CDK18: variants seen among roughly 807,000 people sequenced by gnomAD.
The protein encoded by CDK18 is cyclin-dependent kinase 18.
In CDK18, 52 loss-of-function variants were observed where a neutral mutation model predicts 62.0. That is an observed-to-expected ratio of 0.84 (90% CI 0.67 to 1.06). The LOEUF is 1.06. Ranked by LOEUF, CDK18 falls within the 50% of genes least tolerant of loss-of-function variation. The pLI is 0.00. For missense variants in CDK18, 604 were observed against 619.9 expected, an observed-to-expected ratio of 0.97 and a Z score of 0.27; for synonymous variants, 237 against 247.0, an observed-to-expected ratio of 0.96 and a Z score of 0.38.
intron 1 of CDK18, among the ~76,000 whole-genome samples, chr1:205,518,400 G>A (rs1019793679): frequency 6.6e-6 from 1 of 152,178 alleles, no homozygotes; most frequent in Admixed American, 6.5e-5. Context: ...TGGAGCCAGG[G>A]GTGAGAGGGG....
At position 205,525,074 on chromosome 1, in the gene CDK18, G is replaced by C; in HGVS notation, c.400-65G>C. On this transcript the variant is annotated intron_variant, in intron 4 of 15. Transcript: ENST00000429964. ...CCTCCCAGAGGCTGGAGTTGGGGGA[G>C]GCGTCATGTCTGTGGAGCTGCTAAG... The C allele has an allele frequency of 2.8e-6, 3 of 1,064,982 alleles. No homozygotes were observed. In the South Asian group the frequency reaches 4.3e-5, roughly 15 times the overall value. The allele number at this position is 1,064,982 out of a possible 1,614,324, so 66.0% of individuals were successfully genotyped here.
At chr1:205,524,054 C>T (rs140257278) in intron 3 of CDK18, among the ~76,000 whole-genome samples, 178 bp from the exon 4 acceptor site, 6 of 152,308 alleles carry the variant, frequency 3.9e-5, no homozygotes, top group Non-Finnish European at 5.9e-5. Flanking sequence ...CGGGTGTTCA[C>T]GTGTATGTCT....
At chr1:205,520,693 C>G (rs1367599168) in intron 1 of CDK18, among the ~76,000 whole-genome samples, 1 of 113,444 alleles carries the variant, frequency 8.8e-6, no homozygotes, top group Non-Finnish European at 1.8e-5. Flanking sequence ...GAGCACGACT[C>G]TATCTCAAAA....
rs567005479 is a variant in CDK18, at chr1:205,532,076, T to C, written c.*698T>C. ...GCTGGCATGCTTGGATGCCCAGCTG[T>C]GTCCAGAGGTGGCCTGGGACCGCCA... On this transcript the variant is annotated 3_prime_UTR_variant, in exon 16 of 16. Coordinates refer to ENST00000429964, the MANE Select transcript of CDK18 (RefSeq NM_212502.3). The C allele has an allele frequency of 6.5e-6, 1 of 153,030 alleles. No individual in the cohort carries two copies. Among genetic ancestry groups the C allele is most frequent in the East Asian group, 1.9e-4 (1 of 5,184 alleles). 9.5% of individuals were successfully genotyped at this position (153,030 alleles called of 1,614,324 possible). A position where few individuals can be genotyped will look rare whatever the true frequency, so the allele number is the denominator to read the frequency against.
chr1:205,527,856 G>C lies in CDK18; in HGVS notation c.792G>C (p.Arg264=). Residue 264 remains arginine (R), a synonymous_variant, in exon 9 of 16, where the codon CGG becomes CGC. Transcript: ENST00000429964. This position sits in a 1 kb window ranked among gnomAD's most constrained non-coding sequence, Gnocchi z 4.1. The part of the protein sequence containing the change: ...AYCHHRKILH[R]DLKPQNLLIN... ...GTCACCACCGCAAGATCCTGCACCG[G>C]GACCTGAAGCCCCAGAACCTGCTCA... is the stretch of plus-strand genomic sequence containing the variant. 1 of 1,614,124 alleles carries C rather than the reference G, an allele frequency of 6.2e-7. No individual in the cohort carries two copies. The highest frequency in any genetic ancestry group is 8.5e-7 in the Non-Finnish European group (1 of 1,180,002).
chr1:205,530,537 C>A, intron 14 of CDK18, 91 bp from the exon 15 acceptor site: 2 of 1,283,422 alleles, frequency 1.6e-6, no homozygotes, highest in South Asian at 1.2e-5. Context: ...TGAGACGCTG[C>A]CTCGAGGGCT....
intron 1 of CDK18, among the ~76,000 whole-genome samples, chr1:205,521,110 A>C (rs1668099980): frequency 6.6e-6 from 1 of 152,242 alleles, no homozygotes; most frequent in African/African-American, 2.4e-5. Context: ...CAAAGGAGGC[A>C]TCACCAGCCC....
At position 205,526,368 on chromosome 1, in the gene CDK18, GTC is replaced by G. The variant is rs906814171; in HGVS notation, c.577_578del (p.Leu193AlafsTer14). On this transcript the variant is annotated frameshift_variant and splice_region_variant, in exon 7 of 16. Transcript: ENST00000429964. LOFTEE classifies it high-confidence loss of function. ...GAPCTAIREV[S>X]LLKNLKHANI... ...CCAGGTGGATCTGTCTCCTCACAGTGTCTCTGCTGAAGAACCTGAAGCACGCC... is the reference window on the plus strand; with the variant it reads ...CCAGGTGGATCTGTCTCCTCACAGTGTCTGCTGAAGAACCTGAAGCACGCC... The G allele has an allele frequency of 6.2e-7, 1 of 1,613,432 alleles. No individual in the cohort carries two copies. The highest frequency in any genetic ancestry group is 8.5e-7 in the Non-Finnish European group (1 of 1,179,452).
At position 205,514,738 on chromosome 1, in the gene CDK18, C is replaced by G. The variant is rs2102281784; in HGVS notation, c.-21-8409C>G. Among the ~76,000 whole-genome samples the G allele has an allele frequency of 1.3e-5, 2 of 152,268 alleles. 1 individual carries two copies. The highest frequency in any genetic ancestry group is 4.1e-4 in the South Asian group (2 of 4,828). The stretch of plus-strand genomic sequence containing the variant: ...TCATTCGTTCCACAAATGCTGAGTA[C>G]CTGGTGGGCTCCTTACTCTGTGTAA... On this transcript the variant is annotated intron_variant, in intron 1 of 15. Coordinates refer to ENST00000429964, the MANE Select transcript of CDK18 (RefSeq NM_212502.3).
chr1:205,529,159 G>A (rs144652869), intron 11 of CDK18, 63 bp downstream of exon 11: 15,280 of 1,459,106 alleles, frequency 0.01, 115 homozygotes, highest in Non-Finnish European at 0.013. Flanking sequence ...TCCAGCCCAG[G>A]CGCGGAGCGG....
chr1:205,523,510 A>AC lies in CDK18; in HGVS notation c.164dup (p.Gln56AlafsTer152), dbSNP rs753136425. On this transcript the variant is annotated frameshift_variant, in exon 3 of 16. Transcript: ENST00000429964. LOFTEE classifies it high-confidence loss of function. ...TTGCAGCTCGGTCCTCTTGGCAGAGACCCCCCGCAGGAGTGCAGCACCTTC... is the reference window on the plus strand; with the variant it reads ...TTGCAGCTCGGTCCTCTTGGCAGAGACCCCCCCGCAGGAGTGCAGCACCTTC... 4.4e-6 allele frequency: 7 copies of AC among 1,603,992 alleles called. No individual in the cohort carries two copies. Among genetic ancestry groups the AC allele is most frequent in the African/African-American group, 2.7e-5 (2 of 74,558 alleles).
chr1:205,526,374 G>A lies in CDK18; in HGVS notation c.579G>A (p.Leu193=), dbSNP rs1411051371. 1 of 1,613,882 alleles carries A rather than the reference G, an allele frequency of 6.2e-7. No homozygotes were observed. The highest frequency in any genetic ancestry group is 1.1e-5 in the South Asian group (1 of 91,084). Residue 193 remains leucine, a synonymous_variant, in exon 7 of 16, where the codon CTG becomes CTA. Coordinates refer to ENST00000429964, the MANE Select transcript of CDK18 (RefSeq NM_212502.3). ...GGATCTGTCTCCTCACAGTGTCTCT[G>A]CTGAAGAACCTGAAGCACGCCAATA... is the stretch of plus-strand genomic sequence containing the variant. ...APCTAIREVS[L]LKNLKHANIV...
At chr1:205,510,951 C>T (rs917950396) in intron 1 of CDK18, among the ~76,000 whole-genome samples, 1 of 152,212 alleles carries the variant, frequency 6.6e-6, no homozygotes, top group Non-Finnish European at 1.5e-5. Context: ...TGGCTGGGTA[C>T]CTGGTCCCTG....
At chr1:205,514,666 C>T (rs930436835) in intron 1 of CDK18, among the ~76,000 whole-genome samples, 2 of 152,182 alleles carry the variant, frequency 1.3e-5, no homozygotes, top group Non-Finnish European at 2.9e-5. Context: ...GAGGTTTAAA[C>T]AAGTCATCAT....
chr1:205,514,386 T>A (rs1373500141), intron 1 of CDK18, among the ~76,000 whole-genome samples: 1 of 152,034 alleles, frequency 6.6e-6, no homozygotes, highest in African/African-American at 2.4e-5. Context: ...CCGGGGAGTC[T>A]GGGGCTGGGT....
chr1:205,514,489 T>C (rs947247505), intron 1 of CDK18, among the ~76,000 whole-genome samples: 3 of 152,130 alleles, frequency 2.0e-5, no homozygotes, highest in African/African-American at 7.2e-5. Context: ...GGACAGGAGA[T>C]GGCCTAATGA....
chr1:205,522,560 G>A (rs1668188490), intron 1 of CDK18: 1 of 152,186 alleles, frequency 6.6e-6, no homozygotes, highest in Admixed American at 6.6e-5. Flanking sequence ...AGACCTTCAG[G>A]TGTCAGTATC....
rs772705853 is a variant in CDK18, at chr1:205,526,845, C to T, written c.729+8C>T. The T allele has an allele frequency of 1.9e-6, 3 of 1,611,864 alleles. No individual in the cohort carries two copies. The highest frequency in any genetic ancestry group is 2.2e-5 in the South Asian group (2 of 91,040). ...AGCATGCACAACGTCAAGGTGAGGC[C>T]TCGGGGGCAGGGTCCCCCCATCTTG... On this transcript the variant is annotated splice_region_variant and intron_variant, in intron 8 of 15. Transcript: ENST00000429964.
chr1:205,529,714 G>T, intron 13 of CDK18, 151 bp downstream of exon 13: 7 of 1,542,244 alleles, frequency 4.5e-6, no homozygotes, highest in Non-Finnish European at 6.1e-6. Flanking sequence ...AAGGCCAAGG[G>T]GTGGCCTCCA....
Sources: gnomAD v4.1 joint callset for allele counts (sites outside exome capture counted in the v4.1 genomes callset) on GRCh38, gnomAD v4.1.1 for gene constraint, Gnocchi (gnomAD v3.1) non-coding constraint, MANE v1.5 for transcripts, NCBI Gene and HGNC (gene_info 2026-07-23, HGNC 2026-07-21) for gene names.